The following HIVEP3 variants were observed in gnomAD, a reference collection of about 807,000 sequenced individuals.
HIVEP3 encodes transcription factor HIVEP3.
A neutral mutation model predicts 152.8 loss-of-function variants in HIVEP3; 49 were observed. The observed-to-expected ratio is 0.32, with a 90% CI of 0.26 to 0.41. The LOEUF is 0.41. Among genes scored for constraint, HIVEP3 ranks in the 10% least tolerant of loss-of-function variants. The pLI is 1.00. For missense variants in HIVEP3, 2,790 were observed against 3,103.3 expected (o/e 0.90, Z 2.40); for synonymous variants, 1,269 against 1,289.0 (o/e 0.98, Z 0.33).
At chr1:42,025,668 TGG>T (rs535872976) in intron 1 of HIVEP3, among the ~76,000 whole-genome samples, 52 of 152,252 alleles carry the variant, frequency 3.4e-4, no homozygotes, top group Admixed American at 3.3e-3. Flanking sequence ...TATCTGGGAG[TGG>T]GGTTAGGAAC....
intron 2 of HIVEP3, among the ~76,000 whole-genome samples, chr1:41,698,183 T>C (rs925241850): frequency 1.3e-5 from 2 of 152,180 alleles, no homozygotes; most frequent in Non-Finnish European, 2.9e-5. Flanking sequence ...TCCCTCCTTA[T>C]GATGCCCACC....
chr1:41,575,484 C>A, intron 5 of HIVEP3, 60 bp downstream of exon 5: 1 of 1,571,640 alleles, frequency 6.4e-7, no homozygotes, highest in Middle Eastern at 1.7e-4. Context: ...CCGTGAACAC[C>A]AATGGGCACC....
intron 1 of HIVEP3, among the ~76,000 whole-genome samples, chr1:41,966,825 C>T (rs1036107880): frequency 4.0e-5 from 6 of 151,874 alleles, no homozygotes; most frequent in Admixed American, 2.6e-4. Flanking sequence ...CAAAGACATA[C>T]ATAGGCTAGA....
chr1:41,697,415 T>C (rs948681465), intron 2 of HIVEP3, among the ~76,000 whole-genome samples: 12 of 152,258 alleles, frequency 7.9e-5, no homozygotes, highest in Non-Finnish European at 4.4e-5. Context: ...TTTTGAATTA[T>C]TTCCTGAGCC....
chr1:41,601,638 T>G (rs752479652), intron 3 of HIVEP3, among the ~76,000 whole-genome samples: 2 of 152,198 alleles, frequency 1.3e-5, no homozygotes, highest in Non-Finnish European at 2.9e-5. Context: ...GTTCTAATAC[T>G]TTTTAATGGC....
intron 1 of HIVEP3, among the ~76,000 whole-genome samples, chr1:41,727,061 C>T (rs892247364): frequency 2.0e-5 from 3 of 152,164 alleles, no homozygotes. Context: ...CAGGTGTGGG[C>T]GCCCAGTGTT....
chr1:41,976,772 A>C (rs1329969492), intron 1 of HIVEP3, among the ~76,000 whole-genome samples: 1 of 152,184 alleles, frequency 6.6e-6, no homozygotes, highest in African/African-American at 2.4e-5. Context: ...GGAAATGTGA[A>C]CATAGACACG....
chr1:41,947,075 G>C (rs1401874831), intron 1 of HIVEP3, among the ~76,000 whole-genome samples: 4 of 152,118 alleles, frequency 2.6e-5, no homozygotes, highest in Non-Finnish European at 5.9e-5. Context: ...TGTACTTCTT[G>C]TTTGCCTTTG....
intron 1 of HIVEP3, among the ~76,000 whole-genome samples, chr1:42,033,044 G>A (rs1417683184): frequency 6.6e-6 from 1 of 152,118 alleles, no homozygotes; most frequent in African/African-American, 2.4e-5. Context: ...CGAGCACTGA[G>A]TGGGACAGGT....
At chr1:41,522,495 C>G (rs1642786152) in intron 6 of HIVEP3, among the ~76,000 whole-genome samples, 1 of 152,232 alleles carries the variant, frequency 6.6e-6, no homozygotes, top group African/African-American at 2.4e-5. Context: ...AGAGCACGGC[C>G]TCACAGCCCT....
chr1:41,899,556 G>A lies in HIVEP3; in HGVS notation c.-801+18857C>T, dbSNP rs571163025. ...CGAGTAGCTGGGATTACAAGTGCCCGCCACTAGGTCCAGCTAATTTTTTGT... is the reference window on the plus strand; with the variant it reads ...CGAGTAGCTGGGATTACAAGTGCCCACCACTAGGTCCAGCTAATTTTTTGT... On this transcript the variant is annotated intron_variant, in intron 1 of 8. Coordinates refer to ENST00000372583, the MANE Select transcript of HIVEP3 (RefSeq NM_024503.5). Among the ~76,000 whole-genome samples the A allele has an allele frequency of 3.3e-5, 5 of 152,190 alleles. No individual in the cohort carries two copies. In the South Asian group the frequency reaches 6.2e-4, roughly 19 times the overall value.
In HIVEP3 at chr1:41,583,133, G is replaced by C. The variant is rs748240870; in HGVS notation, c.1665C>G (p.His555Gln). The C allele has an allele frequency of 6.2e-7, 1 of 1,613,586 alleles. No individual in the cohort carries two copies. Among genetic ancestry groups the C allele is most frequent in the Non-Finnish European group, 8.5e-7 (1 of 1,179,986 alleles). The change falls in exon 4 of 9, where the codon CAC (histidine) becomes CAG (glutamine). Residue 555 changes from histidine (H) to glutamine (Q), a missense_variant. Transcript: ENST00000372583. The surrounding 1 kb of genome is among the most constrained non-coding windows in gnomAD (Gnocchi z 6.9). ...CGAAGGAGTAGCTACCTCGGAAGGG[G>C]TGGTGGGGGGTGCTGATAGTGCAGG... ...SAACTISTPH[H>Q]PFRGSYSFDD... is the part of the protein sequence containing the mutation.
intron 1 of HIVEP3, among the ~76,000 whole-genome samples, chr1:41,717,194 G>A (rs185284972): frequency 2.0e-3 from 300 of 151,900 alleles, no homozygotes; most frequent in African/African-American, 6.6e-3. Context: ...CAGCATCTGG[G>A]GACCAGAACT....
At chr1:41,968,371 G>A (rs187265626) in intron 1 of HIVEP3, among the ~76,000 whole-genome samples, 14 of 152,198 alleles carry the variant, frequency 9.2e-5, no homozygotes, top group African/African-American at 2.9e-4. Flanking sequence ...CAATCAAGTC[G>A]GCTTCATCCC....
intron 2 of HIVEP3, among the ~76,000 whole-genome samples, chr1:41,643,647 G>C (rs1645411681): frequency 6.6e-6 from 1 of 152,190 alleles, no homozygotes; most frequent in South Asian, 2.1e-4. Context: ...CTCTGTCTGT[G>C]CTGCAGCTCC....
At chr1:41,912,859 T>C (rs1486830629) in intron 1 of HIVEP3, among the ~76,000 whole-genome samples, 1 of 151,554 alleles carries the variant, frequency 6.6e-6, no homozygotes, top group African/African-American at 2.4e-5. Flanking sequence ...TTGGGGGGAG[T>C]TTGAGGGGCT....
rs1411831223 is a variant in HIVEP3, at chr1:41,506,466, T to C, written c.*3985A>G. Reference sequence around the variant, plus strand: ...GCCAGAGCTGTAATAAAGGCAATTATTATACTTGTAAAAACTTCTCATTCA... The same window carrying C: ...GCCAGAGCTGTAATAAAGGCAATTACTATACTTGTAAAAACTTCTCATTCA... On this transcript the variant is annotated 3_prime_UTR_variant, in exon 9 of 9. Transcript: ENST00000372583. 3 of 152,222 alleles carry C rather than the reference T, an allele frequency of 2.0e-5. No individual in the cohort carries two copies. The highest frequency in any genetic ancestry group is 4.4e-5 in the Non-Finnish European group (3 of 68,042). 9.4% of individuals were successfully genotyped at this position (152,222 alleles called of 1,614,324 possible).
chr1:41,854,645 G>C (rs1409706505), intron 1 of HIVEP3, among the ~76,000 whole-genome samples: 1 of 114,226 alleles, frequency 8.8e-6, no homozygotes, highest in East Asian at 2.2e-4. Context: ...TCTAGCATTA[G>C]GTATATCTCC....
intron 5 of HIVEP3, chr1:41,542,313 G>A (rs563048289): frequency 1.3e-5 from 2 of 152,904 alleles, no homozygotes; most frequent in East Asian, 3.8e-4. Context: ...CAGGTTTGCG[G>A]AGGAATCCAT....
Sources: gnomAD v4.1 joint callset for allele counts (sites outside exome capture counted in the v4.1 genomes callset) on GRCh38, gnomAD v4.1.1 for gene constraint, Gnocchi (gnomAD v3.1) non-coding constraint, MANE v1.5 for transcripts, NCBI Gene and HGNC (gene_info 2026-07-23, HGNC 2026-07-21) for gene names.